Variants in SGCZ observed in about 807,000 individuals in gnomAD.
SGCZ encodes zeta-sarcoglycan.
Under a neutral mutation model 41.3 loss-of-function variants are expected in SGCZ, and 40 were observed. The observed-to-expected ratio is 0.97, with a 90% CI of 0.75 to 1.26. The LOEUF is 1.26. Ranked by LOEUF, SGCZ falls within the 50% of genes most tolerant of loss-of-function variation. The probability of loss-of-function intolerance (pLI) is 0.00; values close to 1 mark genes in which losing one functional copy is unlikely to be tolerated. For missense variants in SGCZ, 552 were observed against 369.8 expected (o/e 1.49, Z -4.04); for synonymous variants, 206 against 137.5 (o/e 1.50, Z -3.49).
At chr8:14,977,569 A>G (rs1041468107) in intron 1 of SGCZ, among the ~76,000 whole-genome samples, 5 of 152,160 alleles carry the variant, frequency 3.3e-5, no homozygotes, top group Non-Finnish European at 2.9e-5. Context: ...TTACAGGCCA[A>G]TCACCTTAAT....
At chr8:14,126,733 C>G (rs1802872676) in intron 5 of SGCZ, among the ~76,000 whole-genome samples, 1 of 152,060 alleles carries the variant, frequency 6.6e-6, no homozygotes, top group African/African-American at 2.4e-5. Context: ...TGGAACCAAC[C>G]CAAATGCCCA....
chr8:14,125,207 C>A (rs575363709), intron 5 of SGCZ, among the ~76,000 whole-genome samples: 1 of 152,060 alleles, frequency 6.6e-6, no homozygotes, highest in Non-Finnish European at 1.5e-5. Flanking sequence ...GTTGGCCAGG[C>A]GTGGTGGCTC....
chr8:15,134,956 T>A (rs1563143824), intron 1 of SGCZ, among the ~76,000 whole-genome samples: 1 of 151,984 alleles, frequency 6.6e-6, no homozygotes, highest in Admixed American at 6.6e-5. Flanking sequence ...CAATGTTGTT[T>A]CAAAATGTGG....
chr8:15,197,516 T>G (rs1005357433), intron 1 of SGCZ, among the ~76,000 whole-genome samples: 1 of 152,196 alleles, frequency 6.6e-6, no homozygotes, highest in South Asian at 2.1e-4. Context: ...AATTCTCAGT[T>G]GCAAATAATA....
intron 2 of SGCZ, among the ~76,000 whole-genome samples, chr8:14,452,891 T>G (rs1224541030): frequency 6.6e-6 from 1 of 151,950 alleles, no homozygotes; most frequent in South Asian, 2.1e-4. Context: ...TCATTTGAGA[T>G]CAGGAGTTTG....
intron 1 of SGCZ, among the ~76,000 whole-genome samples, chr8:14,659,338 A>C (rs1480512566): frequency 6.6e-6 from 1 of 152,178 alleles, no homozygotes; most frequent in African/African-American, 2.4e-5. Context: ...TTGCAACATC[A>C]CATTATACCC....
At position 14,127,874 on chromosome 8, in the gene SGCZ, A is replaced by G. The variant is rs537765693; in HGVS notation, c.548-19639T>C. 3.3e-5 allele frequency among the ~76,000 whole-genome samples: 5 copies of G among 152,278 alleles called. No homozygotes were observed. The East Asian group carries it at 9.7e-4, about 29-fold the overall frequency. On this transcript the variant is annotated intron_variant, in intron 5 of 7. Transcript: ENST00000382080. ...AAATTCTTTCATCACCCAGGTATTA[A>G]GCCCAGTACCCGATAATTATCTTTT...
At chr8:14,766,422 A>T (rs551343300) in intron 1 of SGCZ, among the ~76,000 whole-genome samples, 8 of 152,264 alleles carry the variant, frequency 5.3e-5, no homozygotes, top group Admixed American at 3.3e-4. Flanking sequence ...TAAATGATGA[A>T]CGTCTTAAAG....
chr8:14,216,784 G>T (rs986062317), intron 4 of SGCZ, among the ~76,000 whole-genome samples: 4 of 152,048 alleles, frequency 2.6e-5, no homozygotes, highest in Non-Finnish European at 1.5e-5. Flanking sequence ...AAGACTAAAT[G>T]CTTTTCTCAA....
chr8:14,291,410 G>C (rs1800838298), intron 3 of SGCZ, among the ~76,000 whole-genome samples: 1 of 151,956 alleles, frequency 6.6e-6, no homozygotes, highest in Non-Finnish European at 1.5e-5. Context: ...AAATATTTAT[G>C]ATTATGTGTC....
chr8:14,264,068 T>A (rs2117242608), intron 3 of SGCZ, among the ~76,000 whole-genome samples: 1 of 152,320 alleles, frequency 6.6e-6, no homozygotes, highest in South Asian at 2.1e-4. Flanking sequence ...TGGTCTCATG[T>A]TCCAGCCAGC....
intron 1 of SGCZ, among the ~76,000 whole-genome samples, chr8:14,726,695 G>A (rs1810067175): frequency 6.6e-6 from 1 of 151,974 alleles, no homozygotes; most frequent in African/African-American, 2.4e-5. Context: ...TAAACAACTT[G>A]AAAAGTGACA....
At chr8:14,509,486 T>G (rs546053519) in intron 2 of SGCZ, among the ~76,000 whole-genome samples, 2 of 152,182 alleles carry the variant, frequency 1.3e-5, no homozygotes, top group African/African-American at 4.8e-5. Flanking sequence ...AAATTTATAT[T>G]AACTGATTAA....
chr8:14,282,075 T>A (rs1050450434), intron 3 of SGCZ, among the ~76,000 whole-genome samples: 2 of 152,138 alleles, frequency 1.3e-5, no homozygotes, highest in Non-Finnish European at 2.9e-5. Context: ...TCTTTCTATA[T>A]TCTTCATACT....
chr8:14,584,045 G>A (rs554395697), intron 1 of SGCZ, among the ~76,000 whole-genome samples: 5 of 152,122 alleles, frequency 3.3e-5, no homozygotes, highest in African/African-American at 1.2e-4. Flanking sequence ...AAGAATATAA[G>A]TCCTATTCTT....
At position 14,571,805 on chromosome 8, in the gene SGCZ, C is replaced by T. The variant is rs1804563222; in HGVS notation, c.40-16879G>A. ...AATATTGAAGGAGTTTGACCACATG[C>T]ATATAAAACAAGACAGTTTAAAATT... On this transcript the variant is annotated intron_variant, in intron 1 of 7. Transcript: ENST00000382080. Among the ~76,000 whole-genome samples the T allele has an allele frequency of 3.3e-5, 5 of 152,220 alleles. No homozygotes were observed. The South Asian group carries it at 1.0e-3, about 32-fold the overall frequency.
chr8:14,987,235 A>G (rs1801853536), intron 1 of SGCZ, among the ~76,000 whole-genome samples: 1 of 151,974 alleles, frequency 6.6e-6, no homozygotes, highest in African/African-American at 2.4e-5. Context: ...TAAGAATGAA[A>G]TATACTGTAT....
At chr8:14,940,026 G>C (rs1273849759) in intron 1 of SGCZ, among the ~76,000 whole-genome samples, 1 of 152,100 alleles carries the variant, frequency 6.6e-6, no homozygotes, top group Non-Finnish European at 1.5e-5. Flanking sequence ...TTAGGTGACT[G>C]TTTACAAGTT....
chr8:15,026,623 C>T (rs1180331488), intron 1 of SGCZ, among the ~76,000 whole-genome samples: 2 of 152,120 alleles, frequency 1.3e-5, no homozygotes, highest in African/African-American at 4.8e-5. Flanking sequence ...AAAAGGGACT[C>T]GATTGCCAAT....
Sources: allele counts gnomAD v4.1 joint callset (sites outside exome capture counted in the v4.1 genomes callset), GRCh38; gene constraint gnomAD v4.1.1; transcripts MANE v1.5; gene names NCBI Gene and HGNC (gene_info 2026-07-23, HGNC 2026-07-21).